Variants in SYT16 observed in about 807,000 individuals in gnomAD.
The protein encoded by SYT16 is synaptotagmin 16.
A neutral mutation model predicts 61.4 loss-of-function variants in SYT16; 42 were observed. That is an observed-to-expected ratio of 0.68 (90% CI 0.53 to 0.89). SYT16 has a LOEUF of 0.89. Ranked by LOEUF, SYT16 falls within the 40% of genes least tolerant of loss-of-function variation. The pLI, the probability that SYT16 is intolerant of heterozygous loss-of-function variation, is 0.00. For synonymous variants in SYT16, 314 were observed against 302.3 expected (o/e 1.04, Z -0.40); for missense variants, 804 against 807.3 (o/e 1.00, Z 0.05).
intron 1 of SYT16, among the ~76,000 whole-genome samples, chr14:61,827,149 C>T (rs977212748): frequency 1.3e-5 from 2 of 152,162 alleles, no homozygotes; most frequent in Admixed American, 1.3e-4. Context: ...AGGGAATAGT[C>T]CTCTGGCTTC....
intron 1 of SYT16, among the ~76,000 whole-genome samples, chr14:61,826,721 G>A (rs894326744): frequency 2.6e-5 from 4 of 151,842 alleles, no homozygotes; most frequent in African/African-American, 7.3e-5. Context: ...TTGCTGCATT[G>A]GTCAGCTGGG....
At chr14:62,031,944 A>C (rs959976626) in intron 3 of SYT16, among the ~76,000 whole-genome samples, 1 of 152,154 alleles carries the variant, frequency 6.6e-6, no homozygotes, top group Non-Finnish European at 1.5e-5. Flanking sequence ...TAAAAGCAAG[A>C]GGCTGTAGAT....
chr14:62,011,874 T>TACACACAC lies in SYT16; in HGVS notation c.523+15356_523+15363dup, dbSNP rs576570781. ...ACCACAAGTCAGGGAACACTATATA[T>TACACACAC]ACACACACACACACACACACACACA... On this transcript the variant is annotated intron_variant, in intron 3 of 7. Transcript: ENST00000683842. Among the ~76,000 whole-genome samples, 805 of 136,476 alleles carry TACACACAC rather than the reference T, an allele frequency of 5.9e-3. 13 individuals carry two copies. The highest frequency in any genetic ancestry group is 0.054 in the South Asian group (236 of 4,384). 89.5% of individuals were successfully genotyped at this position (136,476 alleles called of 152,430 possible).
At chr14:62,023,827 C>T (rs376475670) in intron 3 of SYT16, among the ~76,000 whole-genome samples, 3 of 152,064 alleles carry the variant, frequency 2.0e-5, no homozygotes, top group South Asian at 4.1e-4. Flanking sequence ...GTCTTGCTAC[C>T]TTGCAAACAT....
In SYT16 at chr14:61,958,270, A is replaced by AT. The variant is rs201865009; in HGVS notation, c.-324-11854dup. On this transcript the variant is annotated intron_variant, in intron 1 of 7. Coordinates refer to ENST00000683842, the MANE Select transcript of SYT16 (RefSeq NM_001367656.1). Reference sequence around the variant, plus strand: ...AAATTGTTCTTCCATTCTCTAGTCCATTTTTTTTCTGATCTTACCTTTACT... The same window carrying AT: ...AAATTGTTCTTCCATTCTCTAGTCCATTTTTTTTTCTGATCTTACCTTTACT... Among the ~76,000 whole-genome samples the AT allele has an allele frequency of 4.8e-3, 716 of 148,032 alleles. 3 individuals carry two copies. Among genetic ancestry groups the AT allele is most frequent in the African/African-American group, 0.017 (673 of 40,190 alleles).
intron 5 of SYT16, 52 bp downstream of exon 5, chr14:62,075,443 T>C: frequency 6.6e-7 from 1 of 1,525,642 alleles, no homozygotes; most frequent in South Asian, 1.3e-5. Context: ...CCTTCCCCTC[T>C]TTCCACTCTC....
intron 1 of SYT16, among the ~76,000 whole-genome samples, chr14:61,896,623 C>T (rs1377988104): frequency 6.6e-6 from 1 of 152,100 alleles, no homozygotes; most frequent in Non-Finnish European, 1.5e-5. Context: ...TTATAGACTA[C>T]AGAAAGAAAT....
chr14:61,939,615 C>T (rs1017997303), intron 1 of SYT16, among the ~76,000 whole-genome samples: 5 of 152,152 alleles, frequency 3.3e-5, no homozygotes, highest in African/African-American at 9.7e-5. Flanking sequence ...ATGAGGATGC[C>T]AGTCGTGTTG....
intron 3 of SYT16, among the ~76,000 whole-genome samples, chr14:62,046,397 G>A (rs1168062088): frequency 1.3e-5 from 2 of 151,934 alleles, no homozygotes; most frequent in Non-Finnish European, 2.9e-5. Context: ...CTCCCATTCT[G>A]TAGGTTGCCT....
At chr14:61,846,069 T>G (rs535938768) in intron 1 of SYT16, among the ~76,000 whole-genome samples, 80 of 152,360 alleles carry the variant, frequency 5.3e-4, no homozygotes, top group African/African-American at 1.9e-3. Flanking sequence ...AAGACTTGTT[T>G]TTTGACCTAA....
At chr14:61,835,381 C>T (rs2046095503) in intron 1 of SYT16, among the ~76,000 whole-genome samples, 1 of 151,102 alleles carries the variant, frequency 6.6e-6, no homozygotes, top group Non-Finnish European at 1.5e-5. Flanking sequence ...GCTTCAGCCT[C>T]CCAAGTAACT....
At chr14:61,918,514 T>G (rs1012916820) in intron 1 of SYT16, among the ~76,000 whole-genome samples, 2 of 152,140 alleles carry the variant, frequency 1.3e-5, no homozygotes, top group Admixed American at 1.3e-4. Flanking sequence ...GATGGTATAT[T>G]CTTATGTTGA....
At chr14:61,900,483 T>C (rs188007390) in intron 1 of SYT16, among the ~76,000 whole-genome samples, 1 of 152,330 alleles carries the variant, frequency 6.6e-6, no homozygotes, top group Admixed American at 6.5e-5. Flanking sequence ...GTACTTCTAT[T>C]CTGAAAACAA....
At chr14:61,954,830 C>T (rs1566713284) in intron 1 of SYT16, among the ~76,000 whole-genome samples, 1 of 151,754 alleles carries the variant, frequency 6.6e-6, no homozygotes, top group Non-Finnish European at 1.5e-5. Flanking sequence ...ATTCTCATGA[C>T]CTATAATATT....
At chr14:61,904,374 C>T (rs1039113528) in intron 1 of SYT16, among the ~76,000 whole-genome samples, 1 of 152,182 alleles carries the variant, frequency 6.6e-6, no homozygotes, top group Admixed American at 6.5e-5. Context: ...TTCAGGGCCT[C>T]GGCAGGAGCA....
intron 3 of SYT16, among the ~76,000 whole-genome samples, chr14:62,040,593 A>G (rs2054688737): frequency 1.3e-5 from 2 of 152,324 alleles, no homozygotes; most frequent in South Asian, 4.1e-4. Context: ...TTGTCTAAGT[A>G]TAGAGTTCTG....
At chr14:62,050,519 C>G (rs928042341) in intron 3 of SYT16, among the ~76,000 whole-genome samples, 1 of 152,208 alleles carries the variant, frequency 6.6e-6, no homozygotes, top group Non-Finnish European at 1.5e-5. Context: ...TGGTGAGGAG[C>G]TGCGTTCCTT....
intron 2 of SYT16, among the ~76,000 whole-genome samples, chr14:61,982,493 T>G (rs561840767): frequency 6.6e-6 from 1 of 152,064 alleles, no homozygotes; most frequent in Non-Finnish European, 1.5e-5. Flanking sequence ...TCATGAGACT[T>G]ATTCACTACC....
At chr14:61,976,547 C>G (rs907204784) in intron 2 of SYT16, among the ~76,000 whole-genome samples, 1 of 152,192 alleles carries the variant, frequency 6.6e-6, no homozygotes, top group Non-Finnish European at 1.5e-5. Context: ...CTTCTGTGCA[C>G]CCACAGGCCC....
Sources: allele counts gnomAD v4.1 joint callset (sites outside exome capture counted in the v4.1 genomes callset), GRCh38; gene constraint gnomAD v4.1.1; transcripts MANE v1.5; gene names NCBI Gene and HGNC (gene_info 2026-07-23, HGNC 2026-07-21).